The following MBTD1 variants were observed in gnomAD, a reference collection of about 807,000 sequenced individuals.
MBTD1 encodes mbt domain containing 1, also known as MBT domain-containing protein 1.
A neutral mutation model predicts 87.8 loss-of-function variants in MBTD1; 24 were observed. That is an observed-to-expected ratio of 0.27 (90% CI 0.20 to 0.38). MBTD1 has a LOEUF of 0.38. Ranked by LOEUF, MBTD1 falls within the 10% of genes least tolerant of loss-of-function variation. MBTD1 has a pLI of 1.00. For synonymous variants in MBTD1, 237 were observed against 248.6 expected (o/e 0.95, Z 0.44); for missense variants, 436 against 760.2 (o/e 0.57, Z 5.02).
At chr17:51,255,642 C>T (rs1372815310) in intron 2 of MBTD1, among the ~76,000 whole-genome samples, 1 of 149,978 alleles carries the variant, frequency 6.7e-6, no homozygotes, top group African/African-American at 2.5e-5. Flanking sequence ...GTCGCCCAGG[C>T]TGGAGTCCAG....
intron 6 of MBTD1, among the ~76,000 whole-genome samples, chr17:51,208,828 TTTAATA>T (rs2052007445): frequency 6.6e-6 from 1 of 152,242 alleles, no homozygotes; most frequent in Non-Finnish European, 1.5e-5. Flanking sequence ...GGAGAAAACT[TTTAATA>T]TTATTTTATT....
At chr17:51,225,496 C>CA (rs1568204430) in intron 2 of MBTD1, among the ~76,000 whole-genome samples, 1 of 151,598 alleles carries the variant, frequency 6.6e-6, no homozygotes, top group Non-Finnish European at 1.5e-5. Flanking sequence ...GGACTACAGG[C>CA]AAGTGCCACC....
At chr17:51,243,453 T>C (rs1482350915) in intron 2 of MBTD1, among the ~76,000 whole-genome samples, 2 of 152,228 alleles carry the variant, frequency 1.3e-5, no homozygotes, top group Non-Finnish European at 2.9e-5. Flanking sequence ...CTGAATAATT[T>C]GAAAGTTACG....
chr17:51,179,520 A>ATATT lies in MBTD1; in HGVS notation c.*1055_*1056insAATA, dbSNP rs2050227501. ...TATATATATATATATATATATATAT[A>ATATT]TATATATATATATATATGGAATTTT... is the stretch of plus-strand genomic sequence containing the variant. On this transcript the variant is annotated 3_prime_UTR_variant, in exon 17 of 17. Transcript: ENST00000586178. 12 of 93,534 alleles carry ATATT rather than the reference A, an allele frequency of 1.3e-4. No individual in the cohort carries two copies. Among genetic ancestry groups the ATATT allele is most frequent in the East Asian group, 2.8e-4 (1 of 3,584 alleles). The allele number at this position is 93,534 out of a possible 1,614,324, so 5.8% of individuals were successfully genotyped here.
At chr17:51,183,951 G>C (rs2144983548) in intron 16 of MBTD1, 1 of 152,274 alleles carries the variant, frequency 6.6e-6, no homozygotes, top group East Asian at 1.9e-4. Context: ...GATCAAACAT[G>C]TTTCATTCAA....
At chr17:51,255,462 G>A (rs2055029665) in intron 2 of MBTD1, among the ~76,000 whole-genome samples, 1 of 152,104 alleles carries the variant, frequency 6.6e-6, no homozygotes, top group Non-Finnish European at 1.5e-5. Context: ...ACTACAGGGT[G>A]TTAATAATTA....
Position 51,179,498 on chromosome 17 carries a change from A to ATATATATATTTATATT in MBTD1, c.*1077_*1078insAATATAAATATATATA, listed in dbSNP as rs1555673738. 13 of 58,420 alleles carry ATATATATATTTATATT rather than the reference A, an allele frequency of 2.2e-4. No individual in the cohort carries two copies. The highest frequency in any genetic ancestry group is 4.5e-4 in the East Asian group (1 of 2,208). 3.6% of individuals were successfully genotyped at this position (58,420 alleles called of 1,614,324 possible). ...TAAAGACAATTTTATATATATATAT[A>ATATATATATTTATATT]TATATATATATATATATATATATAT... On this transcript the variant is annotated 3_prime_UTR_variant, in exon 17 of 17. Transcript: ENST00000586178.
At chr17:51,241,811 C>A (rs1036432163) in intron 2 of MBTD1, among the ~76,000 whole-genome samples, 2 of 152,166 alleles carry the variant, frequency 1.3e-5, no homozygotes, top group African/African-American at 4.8e-5. Context: ...ACTGATCTGC[C>A]CGCCTTGGCT....
At chr17:51,245,340 A>C (rs563581503) in intron 2 of MBTD1, among the ~76,000 whole-genome samples, 3 of 152,284 alleles carry the variant, frequency 2.0e-5, no homozygotes, top group Non-Finnish European at 4.4e-5. Flanking sequence ...ATGTATGGAA[A>C]ATTGTGATTT....
At chr17:51,220,230 T>G in intron 4 of MBTD1, 100 bp downstream of exon 4, 5 of 1,119,056 alleles carry the variant, frequency 4.5e-6, no homozygotes, top group Non-Finnish European at 6.2e-6. Context: ...CATAACTGAG[T>G]GGGCAGAGGT....
chr17:51,250,334 A>C (rs1311465316), intron 2 of MBTD1: 1 of 152,242 alleles, frequency 6.6e-6, no homozygotes, highest in Non-Finnish European at 1.5e-5. Context: ...TCAAAAAGAT[A>C]TCTGAAATAC....
Position 51,179,509 on chromosome 17 carries a change from T to C in MBTD1, c.*1067A>G, listed in dbSNP as rs1250471020. The C allele has an allele frequency of 7.6e-5, 7 of 92,444 alleles. 1 individual carries two copies. The highest frequency in any genetic ancestry group is 1.1e-4 in the Non-Finnish European group (5 of 44,038). 5.7% of individuals were successfully genotyped at this position (92,444 alleles called of 1,614,324 possible). On this transcript the variant is annotated 3_prime_UTR_variant, in exon 17 of 17. Coordinates refer to ENST00000586178, the MANE Select transcript of MBTD1 (RefSeq NM_017643.3). ...TTATATATATATATATATATATATA[T>C]ATATATATATATATATATATATATA...
chr17:51,204,066 C>T (rs879459612), intron 7 of MBTD1, 141 bp from the exon 8 acceptor site: 13 of 676,964 alleles, frequency 1.9e-5, no homozygotes, highest in Non-Finnish European at 3.2e-5. Flanking sequence ...ATGGCTGGGT[C>T]TCACTCCAGA....
At position 51,177,497 on chromosome 17, in the gene MBTD1, A is replaced by G. The variant is rs1198266600; in HGVS notation, c.*3079T>C. The G allele has an allele frequency of 6.6e-6, 1 of 152,244 alleles. No homozygotes were observed. The highest frequency in any genetic ancestry group is 2.4e-5 in the African/African-American group (1 of 41,472). The allele number at this position is 152,244 out of a possible 1,614,324, so 9.4% of individuals were successfully genotyped here. On this transcript the variant is annotated 3_prime_UTR_variant, in exon 17 of 17. Transcript: ENST00000586178. Reference sequence around the variant, plus strand: ...TTATTTTCATCTTGTACACAAAGTTATAATTTTAATGCTTTTCACATCCAT... The same window carrying G: ...TTATTTTCATCTTGTACACAAAGTTGTAATTTTAATGCTTTTCACATCCAT...
intron 7 of MBTD1, among the ~76,000 whole-genome samples, chr17:51,206,655 G>A (rs1442189572): frequency 6.6e-6 from 1 of 152,062 alleles, no homozygotes; most frequent in Non-Finnish European, 1.5e-5. Flanking sequence ...GTATTGCTAA[G>A]GGTGCTTTCA....
intron 2 of MBTD1, among the ~76,000 whole-genome samples, chr17:51,238,736 G>A (rs182750353): frequency 5.5e-4 from 83 of 152,290 alleles, no homozygotes; most frequent in Admixed American, 4.8e-3. Flanking sequence ...ACAGTGACTG[G>A]CTGGGAAGCT....
chr17:51,251,079 G>A (rs905990355), intron 2 of MBTD1: 1 of 152,068 alleles, frequency 6.6e-6, no homozygotes, highest in Non-Finnish European at 1.5e-5. Flanking sequence ...CCAAACATTG[G>A]TTTGAGGATG....
At chr17:51,241,833 T>C (rs894441844) in intron 2 of MBTD1, among the ~76,000 whole-genome samples, 1 of 152,238 alleles carries the variant, frequency 6.6e-6, no homozygotes, top group Non-Finnish European at 1.5e-5. Context: ...CGCAAAGTGC[T>C]AGGATTACAG....
At chr17:51,253,007 T>C (rs1314981023) in intron 2 of MBTD1, among the ~76,000 whole-genome samples, 2 of 151,996 alleles carry the variant, frequency 1.3e-5, no homozygotes, top group Non-Finnish European at 2.9e-5. Flanking sequence ...CAGAGCTGAA[T>C]TGGGACAAGG....
Sources: allele counts gnomAD v4.1 joint callset (sites outside exome capture counted in the v4.1 genomes callset), GRCh38; gene constraint gnomAD v4.1.1; transcripts MANE v1.5; gene names NCBI Gene and HGNC (gene_info 2026-07-23, HGNC 2026-07-21).